The following RAB27A variants were observed in gnomAD, a reference collection of about 807,000 sequenced individuals.
The protein encoded by RAB27A is RAB27A, member RAS oncogene family.
A neutral mutation model predicts 20.8 loss-of-function variants in RAB27A; 17 were observed. That is an observed-to-expected ratio of 0.82 (90% CI 0.56 to 1.23). RAB27A has a LOEUF of 1.23. RAB27A is among the 50% of genes most tolerant of loss of function. The pLI, the probability that RAB27A is intolerant of heterozygous loss-of-function variation, is 0.00. For synonymous variants in RAB27A, 85 were observed against 92.8 expected (o/e 0.92, Z 0.48); for missense variants, 277 against 266.7 (o/e 1.04, Z -0.27).
intron 2 of RAB27A, among the ~76,000 whole-genome samples, chr15:55,255,926 C>T (rs1897061639): frequency 6.6e-6 from 1 of 152,200 alleles, no homozygotes; most frequent in African/African-American, 2.4e-5. Context: ...CTGCTACTTC[C>T]TTCCTAGCTA....
chr15:55,304,089 T>C (rs1475770386), intron 2 of RAB27A, among the ~76,000 whole-genome samples: 2 of 152,156 alleles, frequency 1.3e-5, no homozygotes, highest in South Asian at 2.1e-4. Flanking sequence ...GAGGTAGACA[T>C]GGGAGACTTT....
intron 2 of RAB27A, among the ~76,000 whole-genome samples, chr15:55,254,081 C>A (rs928281706): frequency 1.5e-4 from 23 of 152,164 alleles, no homozygotes; most frequent in African/African-American, 5.5e-4. Flanking sequence ...AGAAGTCACA[C>A]ATGAAAATCA....
intron 2 of RAB27A, among the ~76,000 whole-genome samples, chr15:55,265,250 A>G (rs1343444981): frequency 6.6e-6 from 1 of 151,818 alleles, no homozygotes; most frequent in Non-Finnish European, 1.5e-5. Flanking sequence ...TCAAAGAAAA[A>G]AAGAAGAAGA....
intron 2 of RAB27A, among the ~76,000 whole-genome samples, chr15:55,302,309 G>A (rs558500599): frequency 1.6e-4 from 25 of 152,132 alleles, no homozygotes; most frequent in Non-Finnish European, 2.9e-4. Flanking sequence ...CCCTAACCGC[G>A]AGTGATCCCG....
Position 55,247,601 on chromosome 15 carries a change from T to C in RAB27A, c.-22-12645A>G, listed in dbSNP as rs574431297. On this transcript the variant is annotated intron_variant, in intron 2 of 6. Transcript: ENST00000336787. ...TGTTTGCTGCAACACAGGAAAGATGTTAATCTGTTAGGGAAATGCACCAAC... is the reference window on the plus strand; with the variant it reads ...TGTTTGCTGCAACACAGGAAAGATGCTAATCTGTTAGGGAAATGCACCAAC... Among the ~76,000 whole-genome samples the C allele has an allele frequency of 3.9e-5, 6 of 152,236 alleles. No homozygotes were observed. In the East Asian group the frequency reaches 1.2e-3, roughly 29 times the overall value.
chr15:55,213,133 G>C (rs2140923152), intron 6 of RAB27A, among the ~76,000 whole-genome samples: 1 of 152,260 alleles, frequency 6.6e-6, no homozygotes, highest in African/African-American at 2.4e-5. Flanking sequence ...AATGTTCTTA[G>C]ATATCAAAAC....
At chr15:55,225,634 G>T (rs1895765609) in intron 5 of RAB27A, among the ~76,000 whole-genome samples, 1 of 152,206 alleles carries the variant, frequency 6.6e-6, no homozygotes, top group East Asian at 1.9e-4. Flanking sequence ...AGAAGAGCAT[G>T]TAAGTATCAC....
chr15:55,219,100 T>C (rs940471445), intron 6 of RAB27A, among the ~76,000 whole-genome samples: 2 of 152,166 alleles, frequency 1.3e-5, no homozygotes, highest in African/African-American at 4.8e-5. Context: ...AACAAAGGCT[T>C]ATTATGACCA....
chr15:55,272,791 G>A (rs572195593), intron 1 of RAB27A, among the ~76,000 whole-genome samples: 74 of 152,274 alleles, frequency 4.9e-4, no homozygotes, highest in African/African-American at 1.6e-3. Flanking sequence ...CAGAGTAGAT[G>A]GACTAGAGGT....
Position 55,219,450 on chromosome 15 carries a change from T to C in RAB27A, c.467+4439A>G, listed in dbSNP as rs145588852. On this transcript the variant is annotated intron_variant, in intron 6 of 6. Transcript: ENST00000336787. ...CTGTCAAGCAAAATGTTTGCTAGCATGCGTCTTTGATAGGAACTCAAAGTG... is the reference window on the plus strand; with the variant it reads ...CTGTCAAGCAAAATGTTTGCTAGCACGCGTCTTTGATAGGAACTCAAAGTG... Among the ~76,000 whole-genome samples the C allele has an allele frequency of 1.2e-4, 19 of 152,348 alleles. No homozygotes were observed. The East Asian group carries it at 3.7e-3, about 29-fold the overall frequency.
intron 2 of RAB27A, chr15:55,238,037 C>G (rs1012110768): frequency 6.6e-6 from 1 of 152,040 alleles, no homozygotes; most frequent in African/African-American, 2.4e-5. Context: ...CAATACTGAC[C>G]AAGTAATCAT....
intron 2 of RAB27A, among the ~76,000 whole-genome samples, chr15:55,246,390 C>T (rs185413288): frequency 8.1e-4 from 123 of 151,196 alleles, no homozygotes; most frequent in Non-Finnish European, 1.5e-3. Context: ...TTCTGGAAGA[C>T]CAATGTCAAT....
At chr15:55,318,707 A>C (rs372824152) in intron 1 of RAB27A, among the ~76,000 whole-genome samples, 152 of 121,170 alleles carry the variant, frequency 1.3e-3, no homozygotes, top group Middle Eastern at 3.7e-3. Context: ...GTCTCAAAAA[A>C]AAAAACAAAA....
At chr15:55,287,640 A>T (rs1898191346) in intron 1 of RAB27A, among the ~76,000 whole-genome samples, 1 of 152,058 alleles carries the variant, frequency 6.6e-6, no homozygotes, top group Non-Finnish European at 1.5e-5. Context: ...CCAGCTACTC[A>T]GGAGGATGAG....
intron 2 of RAB27A, among the ~76,000 whole-genome samples, chr15:55,307,467 T>C (rs1236155402): frequency 6.6e-6 from 1 of 151,988 alleles, no homozygotes; most frequent in Non-Finnish European, 1.5e-5. Flanking sequence ...TCCCTGAGGA[T>C]TGTGGCCTCT....
chr15:55,214,805 A>G (rs1895203786), intron 6 of RAB27A, among the ~76,000 whole-genome samples: 1 of 152,128 alleles, frequency 6.6e-6, no homozygotes, highest in African/African-American at 2.4e-5. Flanking sequence ...ATATGTGTTT[A>G]TTTATCAAGA....
chr15:55,226,667 G>A (rs1038973643), intron 5 of RAB27A, among the ~76,000 whole-genome samples: 2 of 151,942 alleles, frequency 1.3e-5, no homozygotes, highest in Non-Finnish European at 2.9e-5. Flanking sequence ...GTCAGGAGTT[G>A]GATGAAACCC....
Position 55,224,026 on chromosome 15 carries a change from A to C in RAB27A, c.344-14T>G. 6.5e-7 allele frequency: 1 copy of C among 1,535,654 alleles called. No individual in the cohort carries two copies. Among genetic ancestry groups the C allele is most frequent in the South Asian group, 1.1e-5 (1 of 89,214 alleles). On this transcript the variant is annotated splice_polypyrimidine_tract_variant and intron_variant, in intron 5 of 6. Transcript: ENST00000336787. Reference sequence around the variant, plus strand: ...TCTGTAGCTGGCCTATTAATATAAGAAAGTTTATTATATATGTAAATAATA... The same window carrying C: ...TCTGTAGCTGGCCTATTAATATAAGCAAGTTTATTATATATGTAAATAATA...
Position 55,211,766 on chromosome 15 carries a change from T to G in RAB27A, c.468-6061A>C, listed in dbSNP as rs9920219. Among the ~76,000 whole-genome samples, 90 of 151,826 alleles carry G rather than the reference T, an allele frequency of 5.9e-4. 1 individual carries two copies. Among genetic ancestry groups the G allele is most frequent in the African/African-American group, 2.2e-3 (90 of 41,250 alleles). On this transcript the variant is annotated intron_variant, in intron 6 of 6. Coordinates refer to ENST00000336787, the MANE Select transcript of RAB27A (RefSeq NM_183235.3). ...AGCTAATAAATGACAGAGAAGCAAGTAGGCTCTTCCTGTTTTCTTATACAG... is the reference window on the plus strand; with the variant it reads ...AGCTAATAAATGACAGAGAAGCAAGGAGGCTCTTCCTGTTTTCTTATACAG...
Sources: allele counts gnomAD v4.1 joint callset (sites outside exome capture counted in the v4.1 genomes callset), GRCh38; gene constraint gnomAD v4.1.1; transcripts MANE v1.5; gene names NCBI Gene and HGNC (gene_info 2026-07-23, HGNC 2026-07-21).